The following THADA variants were observed in gnomAD, a reference collection of about 807,000 sequenced individuals.
The protein encoded by THADA is THADA armadillo repeat containing.
A neutral mutation model predicts 219.8 loss-of-function variants in THADA; 213 were observed. The ratio of observed to expected loss-of-function variants is 0.97; its 90% CI spans 0.87 to 1.09. The LOEUF (loss-of-function observed/expected upper bound fraction) is 1.09, where lower values mean the gene tolerates loss of function less well. THADA is among the 50% of genes least tolerant of loss of function. THADA has a pLI of 0.00. For missense variants in THADA, 2,956 were observed against 2,311.3 expected (o/e 1.28, Z -5.72); for synonymous variants, 1,018 against 828.9 (o/e 1.23, Z -3.92).
intron 14 of THADA, among the ~76,000 whole-genome samples, chr2:43,568,721 T>G (rs1410323322): frequency 2.0e-5 from 3 of 152,082 alleles, no homozygotes; most frequent in African/African-American, 7.2e-5. Context: ...ACAAAATAAC[T>G]AGGCTGGGCA....
chr2:43,506,578 G>C (rs556242001), intron 23 of THADA, among the ~76,000 whole-genome samples: 1 of 152,284 alleles, frequency 6.6e-6, no homozygotes, highest in South Asian at 2.1e-4. Flanking sequence ...GAGTGGCAGG[G>C]GTAGAGAGAA....
intron 1 of THADA, chr2:43,595,532 A>T (rs1702052283): frequency 6.6e-6 from 1 of 152,344 alleles, no homozygotes; most frequent in Non-Finnish European, 1.5e-5. Flanking sequence ...TGCCTGCTCA[A>T]ATGATGCCTA....
At chr2:43,396,451 T>G (rs1302202863) in intron 29 of THADA, among the ~76,000 whole-genome samples, 1 of 152,200 alleles carries the variant, frequency 6.6e-6, no homozygotes, top group African/African-American at 2.4e-5. Context: ...CTGACTTAGC[T>G]GCTATTGCGA....
chr2:43,306,544 G>A (rs559122074), intron 31 of THADA, among the ~76,000 whole-genome samples: 1 of 152,212 alleles, frequency 6.6e-6, no homozygotes, highest in South Asian at 2.1e-4. Flanking sequence ...GAGAGGCTAG[G>A]ATCACCCATC....
rs150601461 is a variant in THADA, at chr2:43,402,883, G to A, written c.4059-4744C>T. On this transcript the variant is annotated intron_variant, in intron 28 of 37. Transcript: ENST00000405975. ...GAGAGGCGGCGGAGAGGCAGAGAGC[G>A]CTTGGGTTTGGCAAGAAAGAAGTCC... Among the ~76,000 whole-genome samples, 695 of 152,302 alleles carry A rather than the reference G, an allele frequency of 4.6e-3. 8 individuals are homozygous for A. Among genetic ancestry groups the A allele is most frequent in the South Asian group, 0.024 (117 of 4,820 alleles).
rs180890157 is a variant in THADA, at chr2:43,369,368, G to A, written c.4228-25131C>T. Among the ~76,000 whole-genome samples the A allele has an allele frequency of 3.3e-5, 5 of 152,262 alleles. No homozygotes were observed. In the East Asian group the frequency reaches 9.6e-4, roughly 29 times the overall value. ...AACACCTTTTGTCCATTAAATATTT[G>A]AGCTTAGAAATTTCAGGGTTTTCTT... On this transcript the variant is annotated intron_variant, in intron 29 of 37. Transcript: ENST00000405975.
chr2:43,537,419 T>A (rs1367236585), intron 21 of THADA, among the ~76,000 whole-genome samples: 3 of 152,234 alleles, frequency 2.0e-5, no homozygotes, highest in Non-Finnish European at 4.4e-5. Flanking sequence ...AGGATGTGGT[T>A]ACATGCACAA....
intron 30 of THADA, chr2:43,343,870 A>C (rs1334447688): frequency 1.1e-5 from 4 of 368,790 alleles, no homozygotes; most frequent in Admixed American, 3.9e-5. Context: ...GTTTCAACAA[A>C]AACAAGCTGA....
chr2:43,330,942 G>A (rs1012644425), intron 30 of THADA, among the ~76,000 whole-genome samples: 3 of 152,134 alleles, frequency 2.0e-5, no homozygotes, highest in Non-Finnish European at 4.4e-5. Flanking sequence ...GGAAGAAGTC[G>A]CCTGCCCCCG....
chr2:43,501,118 C>T (rs1474447712), intron 24 of THADA, among the ~76,000 whole-genome samples: 3 of 151,458 alleles, frequency 2.0e-5, no homozygotes, highest in Admixed American at 6.6e-5. Flanking sequence ...CCAGCCCGGC[C>T]AACATGGTGA....
rs910488601 is a variant in THADA, at chr2:43,499,078, G to A, written c.3622-123C>T. 2.1e-4 allele frequency: 219 copies of A among 1,046,584 alleles called. 1 individual carries two copies. Among genetic ancestry groups the A allele is most frequent in the Middle Eastern group, 2.7e-4 (1 of 3,736 alleles). The allele number at this position is 1,046,584 out of a possible 1,614,324, so 64.8% of individuals were successfully genotyped here. A position where few individuals can be genotyped will look rare whatever the true frequency, so the allele number is the denominator to read the frequency against. ...CTGAATTACAAGAAATGGATAATCC[G>A]CAAATGAAATAGCAGATTTAATAAA... On this transcript the variant is annotated intron_variant, in intron 24 of 37. Transcript: ENST00000405975.
At chr2:43,550,559 A>G (rs1176791841) in intron 19 of THADA, among the ~76,000 whole-genome samples, 1 of 152,204 alleles carries the variant, frequency 6.6e-6, no homozygotes, top group Non-Finnish European at 1.5e-5. Flanking sequence ...AGAAGCAGCA[A>G]AAATGAAGAC....
intron 3 of THADA, 90 bp from the exon 4 acceptor site, chr2:43,591,044 G>A (rs1172520225): frequency 6.3e-6 from 8 of 1,271,924 alleles, no homozygotes; most frequent in Non-Finnish European, 8.7e-6. Context: ...TCAATTGCTG[G>A]GTACAGTGGC....
intron 21 of THADA, among the ~76,000 whole-genome samples, chr2:43,538,115 A>C (rs151155278): frequency 6.6e-6 from 1 of 152,298 alleles, no homozygotes; most frequent in South Asian, 2.1e-4. Context: ...ATATAAACTT[A>C]AGTTCATATA....
chr2:43,259,383 C>A (rs192109539), intron 36 of THADA, among the ~76,000 whole-genome samples: 1 of 152,228 alleles, frequency 6.6e-6, no homozygotes, highest in Non-Finnish European at 1.5e-5. Flanking sequence ...TTGGCTACAA[C>A]TGAGATAGTA....
At position 43,398,123 on chromosome 2, in the gene THADA, C is replaced by CA; in HGVS notation, c.4074dup (p.Val1359CysfsTer6). The CA allele has an allele frequency of 6.2e-7, 1 of 1,613,856 alleles. No homozygotes were observed. Among genetic ancestry groups the CA allele is most frequent in the South Asian group, 1.1e-5 (1 of 91,078 alleles). On this transcript the variant is annotated frameshift_variant, in exon 29 of 38. Transcript: ENST00000405975. LOFTEE classifies it high-confidence loss of function. ...GCTGCCATTTCACGGGAGTGGTAGACAGGTGAGTGACCACACCTGGGGAGA... is the reference window on the plus strand; with the variant it reads ...GCTGCCATTTCACGGGAGTGGTAGACAAGGTGAGTGACCACACCTGGGGAGA...
At chr2:43,518,379 C>T (rs900519350) in intron 22 of THADA, among the ~76,000 whole-genome samples, 2 of 152,166 alleles carry the variant, frequency 1.3e-5, no homozygotes, top group African/African-American at 4.8e-5. Flanking sequence ...CTTCCTGTAA[C>T]ACGTACAAAC....
intron 31 of THADA, among the ~76,000 whole-genome samples, chr2:43,309,026 T>C (rs1479338703): frequency 1.3e-5 from 2 of 151,940 alleles, no homozygotes; most frequent in Non-Finnish European, 1.5e-5. Flanking sequence ...GTTAAGAAAA[T>C]GAAAAGGCAA....
intron 30 of THADA, among the ~76,000 whole-genome samples, chr2:43,321,867 T>C (rs1678753488): frequency 6.6e-6 from 1 of 152,180 alleles, no homozygotes; most frequent in African/African-American, 2.4e-5. Flanking sequence ...ATGGCATTGA[T>C]ATTGGCACAA....
Sources: gnomAD v4.1 joint callset for allele counts (sites outside exome capture counted in the v4.1 genomes callset) on GRCh38, gnomAD v4.1.1 for gene constraint, MANE v1.5 for transcripts, NCBI Gene and HGNC (gene_info 2026-07-23, HGNC 2026-07-21) for gene names.